The following SPAG17 variants were observed in gnomAD, a reference collection of about 807,000 sequenced individuals.
The protein encoded by SPAG17 is sperm-associated antigen 17.
A neutral mutation model predicts 273.6 loss-of-function variants in SPAG17; 169 were observed. The observed-to-expected ratio is 0.62, with a 90% confidence interval of 0.55 to 0.70. SPAG17 has a LOEUF of 0.70. SPAG17 is among the 30% of genes least tolerant of loss of function. The pLI, the probability that SPAG17 is intolerant of heterozygous loss-of-function variation, is 0.00. For synonymous variants in SPAG17, 825 were observed against 873.2 expected (o/e 0.94, Z 0.97); for missense variants, 2,557 against 2,627.8 (o/e 0.97, Z 0.59).
At position 118,081,088 on chromosome 1, in the gene SPAG17, C is replaced by T. The variant is rs1557996665; in HGVS notation, c.2209+13G>A. 2 of 1,431,484 alleles carry T rather than the reference C, an allele frequency of 1.4e-6. No homozygotes were observed. Among genetic ancestry groups the T allele is most frequent in the East Asian group, 2.3e-5 (1 of 43,878 alleles). The allele number at this position is 1,431,484 out of a possible 1,614,324, so 88.7% of individuals were successfully genotyped here. ...ACACACACACACACACACACACACA[C>T]ACTTTAACTTACCCAGAGACTCATG... On this transcript the variant is annotated intron_variant, in intron 15 of 48. Coordinates refer to ENST00000336338, the MANE Select transcript of SPAG17 (RefSeq NM_206996.4).
rs886847769 is a variant in SPAG17 at position 118,066,790 on chromosome 1, T to A, written c.2495A>T (p.His832Leu). The A allele has an allele frequency of 6.2e-7, 1 of 1,613,694 alleles. No individual in the cohort carries two copies. Among genetic ancestry groups the A allele is most frequent in the African/African-American group, 1.3e-5 (1 of 75,028 alleles). Residue 832 changes from histidine (H) to leucine (L), a missense_variant, in exon 18 of 49, where the codon CAT (histidine) becomes CTT (leucine). Transcript: ENST00000336338. ...FHNPMNRQRL[H>L]CEYWNIALHS... ...GAGAGCAATGTTCCAATATTCACAA[T>A]GCAAACGTTGTCTATTCATTGGATT...
chr1:118,164,232 C>G (rs749012887), intron 1 of SPAG17, among the ~76,000 whole-genome samples: 1 of 152,110 alleles, frequency 6.6e-6, no homozygotes, highest in Non-Finnish European at 1.5e-5. Context: ...CTATATAGTC[C>G]GTATTTTTGA....
At chr1:118,071,093 T>C (rs1407073635) in intron 17 of SPAG17, among the ~76,000 whole-genome samples, 2 of 152,010 alleles carry the variant, frequency 1.3e-5, no homozygotes, top group Admixed American at 6.6e-5. Flanking sequence ...GAGTCTCCTA[T>C]GGAAATCTCC....
chr1:117,968,157 G>GA lies in SPAG17; in HGVS notation c.6388-1405dup, dbSNP rs58535455. The stretch of plus-strand genomic sequence containing the variant: ...TTTAGTGTTGGCAACTAACCAAGCT[G>GA]AACGGTGGTTAGATTTACATATGGG... On this transcript the variant is annotated intron_variant, in intron 46 of 48. Coordinates refer to ENST00000336338, the MANE Select transcript of SPAG17 (RefSeq NM_206996.4). Among the ~76,000 whole-genome samples, 1,075 of 152,228 alleles carry GA rather than the reference G, an allele frequency of 7.1e-3. 18 individuals carry two copies. Among genetic ancestry groups the GA allele is most frequent in the African/African-American group, 0.025 (1,034 of 41,528 alleles).
chr1:118,029,852 T>C (rs527414657), intron 25 of SPAG17, among the ~76,000 whole-genome samples: 63 of 152,186 alleles, frequency 4.1e-4, no homozygotes, highest in Non-Finnish European at 5.3e-4. Context: ...TGCCTTTTCT[T>C]TGTCACTAAC....
chr1:118,163,269 C>T (rs1660013892), intron 1 of SPAG17, among the ~76,000 whole-genome samples: 1 of 152,164 alleles, frequency 6.6e-6, no homozygotes, highest in Non-Finnish European at 1.5e-5. Flanking sequence ...AGGTGATACG[C>T]ATTGACCTAG....
intron 3 of SPAG17, 89 bp from the exon 4 acceptor site, chr1:118,115,530 T>C (rs1018783983): frequency 2.3e-6 from 3 of 1,326,588 alleles, no homozygotes; most frequent in African/African-American, 3.0e-5. Context: ...GGAAATTTTA[T>C]ATTATTTGTC....
intron 16 of SPAG17, 24 bp downstream of exon 16, chr1:118,074,515 A>C: frequency 3.1e-6 from 5 of 1,598,902 alleles, no homozygotes; most frequent in Non-Finnish European, 4.3e-6. Context: ...TGTCATCTAC[A>C]TTTTCAGAAA....
intron 44 of SPAG17, among the ~76,000 whole-genome samples, chr1:117,972,304 C>G (rs1654651726): frequency 6.6e-6 from 1 of 152,234 alleles, no homozygotes; most frequent in African/African-American, 2.4e-5. Flanking sequence ...GATTCAGACT[C>G]AAGTTTGCCT....
At chr1:117,990,193 A>T (rs1656917568) in intron 38 of SPAG17, among the ~76,000 whole-genome samples, 1 of 152,158 alleles carries the variant, frequency 6.6e-6, no homozygotes, top group South Asian at 2.1e-4. Context: ...ATCTGGATAA[A>T]CAACAACAAC....
At chr1:118,007,989 T>C in intron 31 of SPAG17, 55 bp downstream of exon 31, 1 of 1,607,250 alleles carries the variant, frequency 6.2e-7, no homozygotes. Flanking sequence ...AAGTGGGTTT[T>C]CTCAGCTGAA....
intron 48 of SPAG17, chr1:117,955,490 G>A: frequency 1.3e-6 from 1 of 784,508 alleles, no homozygotes; most frequent in Non-Finnish European, 1.9e-6. Flanking sequence ...AAGTTTTGAT[G>A]GAAAATAATT....
intron 3 of SPAG17, among the ~76,000 whole-genome samples, chr1:118,134,832 G>T (rs1367180513): frequency 2.0e-5 from 3 of 152,064 alleles, no homozygotes; most frequent in Non-Finnish European, 2.9e-5. Context: ...ACTTTGCATG[G>T]CCTGATTCCT....
intron 1 of SPAG17, among the ~76,000 whole-genome samples, chr1:118,172,683 G>A (rs916659181): frequency 6.6e-6 from 1 of 152,060 alleles, no homozygotes; most frequent in African/African-American, 2.4e-5. Context: ...AACACATATG[G>A]GAACAAAAGG....
chr1:118,153,460 A>T (rs1314190091), intron 1 of SPAG17, among the ~76,000 whole-genome samples: 1 of 152,230 alleles, frequency 6.6e-6, no homozygotes, highest in Non-Finnish European at 1.5e-5. Flanking sequence ...GTCTTTCCAT[A>T]ATCCTTAAAT....
At chr1:117,983,169 T>C (rs550292340) in intron 42 of SPAG17, among the ~76,000 whole-genome samples, 3 of 152,180 alleles carry the variant, frequency 2.0e-5, no homozygotes, top group African/African-American at 4.8e-5. Flanking sequence ...AGCAGGAAAA[T>C]AGAGAGCGAG....
At chr1:118,079,452 G>A (rs72631722) in intron 15 of SPAG17, among the ~76,000 whole-genome samples, 9,171 of 151,852 alleles carry the variant, frequency 0.06, 446 homozygotes, top group East Asian at 0.27. Flanking sequence ...TTTTATTCTC[G>A]ATAGAGTTAT....
intron 47 of SPAG17, chr1:117,966,118 T>A (rs1653812501): frequency 6.6e-6 from 1 of 152,320 alleles, no homozygotes; most frequent in African/African-American, 2.4e-5. Context: ...TAATACCTTT[T>A]AAGACAGAGT....
chr1:118,081,344 G>GAGAT (rs780426957), intron 14 of SPAG17, 25 bp from the exon 15 acceptor site: 25 of 1,610,860 alleles, frequency 1.6e-5, no homozygotes, highest in Non-Finnish European at 2.0e-5. Flanking sequence ...GAACATCCAT[G>GAGAT]AGATACAATA....
Sources: gnomAD v4.1 joint callset for allele counts (sites outside exome capture counted in the v4.1 genomes callset) on GRCh38, gnomAD v4.1.1 for gene constraint, MANE v1.5 for transcripts, NCBI Gene and HGNC (gene_info 2026-07-23, HGNC 2026-07-21) for gene names.